The following GABRB3 variants were observed in gnomAD, a reference collection of about 807,000 sequenced individuals.
GABRB3 encodes the protein gamma-aminobutyric acid type A receptor subunit beta3, also known as gamma-aminobutyric acid receptor subunit beta-3.
Under a neutral mutation model 52.1 loss-of-function variants are expected in GABRB3, and 14 were observed. The ratio of observed to expected loss-of-function variants is 0.27; its 90% CI spans 0.18 to 0.42. The LOEUF (loss-of-function observed/expected upper bound fraction) is 0.42, where lower values mean the gene tolerates loss of function less well. Ranked by LOEUF, GABRB3 falls within the 10% of genes least tolerant of loss-of-function variation. GABRB3 has a pLI of 1.00. For synonymous variants in GABRB3, 260 were observed against 232.3 expected (o/e 1.12, Z -1.08); for missense variants, 307 against 609.1 (o/e 0.50, Z 5.22).
intron 3 of GABRB3, chr15:26,767,248 G>A (rs538119042): frequency 6.6e-6 from 1 of 151,694 alleles, no homozygotes; most frequent in Non-Finnish European, 1.5e-5. Context: ...ACCCCAACTG[G>A]GTCAGGGAAA....
chr15:26,556,503 G>T (rs1279682612), intron 8 of GABRB3, among the ~76,000 whole-genome samples: 1 of 152,040 alleles, frequency 6.6e-6, no homozygotes, highest in Non-Finnish European at 1.5e-5. Context: ...AATACTAATT[G>T]GTCAACTTGT....
At chr15:26,660,462 A>G (rs879448393) in intron 3 of GABRB3, among the ~76,000 whole-genome samples, 5 of 152,176 alleles carry the variant, frequency 3.3e-5, no homozygotes, top group Non-Finnish European at 7.4e-5. Flanking sequence ...TATAGAGGAT[A>G]AATACATCAG....
chr15:26,571,970 T>A (rs565308713), intron 6 of GABRB3, among the ~76,000 whole-genome samples: 6 of 143,526 alleles, frequency 4.2e-5, no homozygotes, highest in African/African-American at 1.6e-4. Flanking sequence ...CGTTTGAACC[T>A]GGGAGGCGGA....
At chr15:26,732,055 G>A (rs1889929821) in intron 3 of GABRB3, among the ~76,000 whole-genome samples, 1 of 149,852 alleles carries the variant, frequency 6.7e-6, no homozygotes, top group African/African-American at 2.5e-5. Flanking sequence ...GGATGGACAG[G>A]TGGACGGATG....
rs886199199 is a variant in GABRB3, at chr15:26,707,171, C to T, written c.240+65231G>A. Among the ~76,000 whole-genome samples the T allele has an allele frequency of 3.3e-5, 5 of 152,232 alleles. No individual in the cohort carries two copies. The East Asian group carries it at 7.7e-4, about 24-fold the overall frequency. ...ATCTTTGGAGGCTAGAAAGGCTTCA[C>T]GGAGAAGGAAGAATTGCACTGAGCA... On this transcript the variant is annotated intron_variant, in intron 3 of 8. Coordinates refer to ENST00000311550, the MANE Select transcript of GABRB3 (RefSeq NM_000814.6).
chr15:26,651,030 G>C (rs943007768), intron 3 of GABRB3, among the ~76,000 whole-genome samples: 2 of 152,166 alleles, frequency 1.3e-5, no homozygotes, highest in African/African-American at 4.8e-5. Flanking sequence ...GCCAGACAAG[G>C]GCTAGGGACC....
At chr15:26,552,531 C>G (rs1657128720) in intron 8 of GABRB3, among the ~76,000 whole-genome samples, 1 of 152,154 alleles carries the variant, frequency 6.6e-6, no homozygotes, top group Non-Finnish European at 1.5e-5. Flanking sequence ...GTCCCTTGTG[C>G]AGGCCACCTA....
At chr15:26,735,810 T>C (rs916198353) in intron 3 of GABRB3, among the ~76,000 whole-genome samples, 2 of 151,380 alleles carry the variant, frequency 1.3e-5, no homozygotes, top group Non-Finnish European at 2.9e-5. Flanking sequence ...AAAAAATTAG[T>C]GGGGGATGGT....
chr15:26,557,233 A>G (rs1206930800), intron 8 of GABRB3, among the ~76,000 whole-genome samples: 7 of 152,194 alleles, frequency 4.6e-5, no homozygotes, highest in Non-Finnish European at 1.0e-4. Context: ...CTGAGTATGA[A>G]TGGACGAAAA....
chr15:26,554,031 A>ATATATATATTTATATT, intron 8 of GABRB3, among the ~76,000 whole-genome samples: 1 of 76,030 alleles, frequency 1.3e-5, no homozygotes, highest in Non-Finnish European at 2.6e-5. Context: ...TTATATATAT[A>ATATATATATTTATATT]TATATTTATT....
At chr15:26,656,720 T>A (rs1887383540) in intron 3 of GABRB3, among the ~76,000 whole-genome samples, 1 of 152,202 alleles carries the variant, frequency 6.6e-6, no homozygotes, top group Non-Finnish European at 1.5e-5. Flanking sequence ...CCTGATGATC[T>A]GAGGTGGAAT....
chr15:26,621,526 G>A lies in GABRB3; in HGVS notation c.249C>T (p.Thr83=), dbSNP rs1476625006. ...DMVSEVNMDY[T]LTMYFQQYWR... Reference sequence around the variant, plus strand: ...AATATTGTTGAAAATACATGGTTAAGGTATAATCCTGGGGGGAAAAGAAAA... The same window carrying A: ...AATATTGTTGAAAATACATGGTTAAAGTATAATCCTGGGGGGAAAAGAAAA... Residue 83 remains threonine, a synonymous_variant, in exon 4 of 9, where the codon ACC becomes ACT. Transcript: ENST00000311550. The surrounding 1 kb of genome is among the most constrained non-coding windows in gnomAD (Gnocchi z 4.1). 7 of 1,611,568 alleles carry A rather than the reference G, an allele frequency of 4.3e-6. No homozygotes were observed. Among genetic ancestry groups the A allele is most frequent in the African/African-American group, 1.3e-5 (1 of 74,846 alleles).
chr15:26,623,257 G>A (rs1033040972), intron 3 of GABRB3, among the ~76,000 whole-genome samples: 1 of 152,210 alleles, frequency 6.6e-6, no homozygotes, highest in African/African-American at 2.4e-5. Context: ...GATGAGTCAG[G>A]CTAGACCCCA....
At chr15:26,635,331 C>T (rs1346977658) in intron 3 of GABRB3, among the ~76,000 whole-genome samples, 1 of 151,900 alleles carries the variant, frequency 6.6e-6, no homozygotes, top group Non-Finnish European at 1.5e-5. Context: ...ATGATCCATG[C>T]CTCTGTGCTC....
chr15:26,581,067 A>T lies in GABRB3; in HGVS notation c.545-611T>A, dbSNP rs1382099621. On this transcript the variant is annotated intron_variant, in intron 5 of 8. Coordinates refer to ENST00000311550, the MANE Select transcript of GABRB3 (RefSeq NM_000814.6). ...GATGGGCACAGGTGGTCTCATCAGA[A>T]AGAACAGTGGTCGTTAGCTGGATTA... The T allele has an allele frequency of 1.5e-5, 3 of 196,246 alleles. No homozygotes were observed. In the Admixed American group the frequency reaches 1.6e-4, roughly 10 times the overall value. The allele number at this position is 196,246 out of a possible 1,614,324, so 12.2% of individuals were successfully genotyped here. A position where few individuals can be genotyped will look rare whatever the true frequency, so the allele number is the denominator to read the frequency against.
At chr15:26,699,715 A>G (rs979615977) in intron 3 of GABRB3, among the ~76,000 whole-genome samples, 1 of 152,106 alleles carries the variant, frequency 6.6e-6, no homozygotes, top group Non-Finnish European at 1.5e-5. Flanking sequence ...AGGTGAGTAT[A>G]TTTGAGGACA....
chr15:26,748,059 T>C (rs576241900), intron 3 of GABRB3, among the ~76,000 whole-genome samples: 8 of 148,816 alleles, frequency 5.4e-5, no homozygotes, highest in African/African-American at 1.7e-4. Flanking sequence ...CTTGCACACC[T>C]GGAATAAATC....
chr15:26,717,462 T>A (rs1889527225), intron 3 of GABRB3, among the ~76,000 whole-genome samples: 1 of 152,232 alleles, frequency 6.6e-6, no homozygotes, highest in South Asian at 2.1e-4. Flanking sequence ...AGACCACACA[T>A]CCTAGCACTT....
chr15:26,683,140 C>A (rs368864664), intron 3 of GABRB3, among the ~76,000 whole-genome samples: 8 of 152,150 alleles, frequency 5.3e-5, no homozygotes, highest in African/African-American at 1.7e-4. Flanking sequence ...TGGCTGCCAA[C>A]GCTGGATGTT....
Sources: gnomAD v4.1 joint callset for allele counts (sites outside exome capture counted in the v4.1 genomes callset) on GRCh38, gnomAD v4.1.1 for gene constraint, Gnocchi (gnomAD v3.1) non-coding constraint, MANE v1.5 for transcripts, NCBI Gene and HGNC (gene_info 2026-07-23, HGNC 2026-07-21) for gene names.